Variants in ATRNL1 observed in about 807,000 individuals in gnomAD.
The protein encoded by ATRNL1 is attractin-like protein 1.
In ATRNL1, 95 loss-of-function variants were observed where a neutral mutation model predicts 182.7. The ratio of observed to expected loss-of-function variants is 0.52; its 90% CI spans 0.44 to 0.62. ATRNL1 has a LOEUF of 0.62. Among genes scored for constraint, ATRNL1 ranks in the 20% least tolerant of loss-of-function variants. The pLI is 0.00. For synonymous variants in ATRNL1, 576 were observed against 568.3 expected, an observed-to-expected ratio of 1.01 and a Z score of -0.19; for missense variants, 1,471 against 1,679.5, an observed-to-expected ratio of 0.88 and a Z score of 2.17.
rs1053277169 is a variant in ATRNL1 at position 115,947,625 on chromosome 10, G to T, written c.*2846G>T. The T allele has an allele frequency of 6.6e-6, 1 of 152,610 alleles. No homozygotes were observed. The highest frequency in any genetic ancestry group is 1.5e-5 in the Non-Finnish European group (1 of 68,032). 9.5% of individuals were successfully genotyped at this position (152,610 alleles called of 1,614,324 possible). ...GAGATGCCGTATACTATAGTGTTATGTTCAGTAGGAAAACTTCAAATAGTT... is the reference window on the plus strand; with the variant it reads ...GAGATGCCGTATACTATAGTGTTATTTTCAGTAGGAAAACTTCAAATAGTT... On this transcript the variant is annotated 3_prime_UTR_variant, in exon 29 of 29. Coordinates refer to ENST00000355044, the MANE Select transcript of ATRNL1 (RefSeq NM_207303.4).
chr10:115,398,729 T>A (rs1025795730), intron 20 of ATRNL1, among the ~76,000 whole-genome samples: 1 of 152,078 alleles, frequency 6.6e-6, no homozygotes, highest in Non-Finnish European at 1.5e-5. Context: ...TGGTGAGAAC[T>A]TCAGATACTA....
chr10:115,715,252 G>T lies in ATRNL1; in HGVS notation c.3796-11996G>T, dbSNP rs10885786. The stretch of plus-strand genomic sequence containing the variant: ...CAAGGGCTAAGGAGGGTCAAGTTTT[G>T]GGTAAGTTTTGCAGTGGACAAAGGA... On this transcript the variant is annotated intron_variant, in intron 26 of 28. Transcript: ENST00000355044. Among the ~76,000 whole-genome samples the T allele has an allele frequency of 1.1e-4, 17 of 152,076 alleles. No individual in the cohort carries two copies. The South Asian group carries it at 3.1e-3, about 28-fold the overall frequency.
chr10:115,598,088 A>T (rs1856367695), intron 26 of ATRNL1: 1 of 153,448 alleles, frequency 6.5e-6, no homozygotes, highest in African/African-American at 2.4e-5. Context: ...GAATAGTTAT[A>T]TAACTGTTGC....
chr10:115,881,201 A>C (rs1262632682), intron 28 of ATRNL1, among the ~76,000 whole-genome samples: 1 of 152,200 alleles, frequency 6.6e-6, no homozygotes, highest in Non-Finnish European at 1.5e-5. Flanking sequence ...CTGCGTATCC[A>C]GCTATACATG....
chr10:115,919,809 G>A (rs546623161), intron 28 of ATRNL1, among the ~76,000 whole-genome samples: 9 of 152,232 alleles, frequency 5.9e-5, no homozygotes, highest in South Asian at 2.1e-4. Flanking sequence ...CCTTCTTGCT[G>A]ATTCATGGAT....
chr10:115,942,260 T>C (rs1303166933), intron 28 of ATRNL1, among the ~76,000 whole-genome samples: 3 of 152,232 alleles, frequency 2.0e-5, no homozygotes, highest in African/African-American at 7.2e-5. Flanking sequence ...TCTCTTCCCA[T>C]TGCTAAACAT....
At chr10:115,683,318 A>G (rs1946109817) in intron 26 of ATRNL1, among the ~76,000 whole-genome samples, 1 of 151,960 alleles carries the variant, frequency 6.6e-6, no homozygotes, top group Admixed American at 6.6e-5. Flanking sequence ...ACAAAAAGAC[A>G]CTGTCATTTA....
intron 18 of ATRNL1, among the ~76,000 whole-genome samples, chr10:115,323,579 G>C (rs1245955591): frequency 1.3e-5 from 2 of 151,140 alleles, no homozygotes; most frequent in Admixed American, 6.6e-5. Flanking sequence ...TGAGTAGCTG[G>C]GATTACAGGC....
At chr10:115,121,641 T>G (rs1592129053) in intron 2 of ATRNL1, 58 bp from the exon 3 acceptor site, 2 of 640,474 alleles carry the variant, frequency 3.1e-6, no homozygotes, top group East Asian at 6.0e-5. Context: ...TATTATGTAT[T>G]TATTCACTCT....
At chr10:115,507,628 A>C (rs549222855) in intron 24 of ATRNL1, among the ~76,000 whole-genome samples, 1 of 152,088 alleles carries the variant, frequency 6.6e-6, no homozygotes, top group Non-Finnish European at 1.5e-5. Flanking sequence ...GAAATTAATA[A>C]CATTACCTAA....
At chr10:115,812,624 A>G (rs1448871161) in intron 27 of ATRNL1, among the ~76,000 whole-genome samples, 1 of 151,932 alleles carries the variant, frequency 6.6e-6, no homozygotes, top group Non-Finnish European at 1.5e-5. Flanking sequence ...TTACAGGTGC[A>G]CACCACCACA....
At chr10:115,730,899 T>A (rs1947777811) in intron 27 of ATRNL1, among the ~76,000 whole-genome samples, 1 of 152,124 alleles carries the variant, frequency 6.6e-6, no homozygotes, top group African/African-American at 2.4e-5. Context: ...GGAGAGCCAG[T>A]CCAAGTCCCA....
intron 26 of ATRNL1, among the ~76,000 whole-genome samples, chr10:115,628,516 T>A (rs1407177754): frequency 7.2e-6 from 1 of 138,712 alleles, no homozygotes; most frequent in African/African-American, 3.4e-5. Context: ...TTTTCTCCCG[T>A]TCTATAGATT....
chr10:115,494,654 G>A (rs1849456829), intron 24 of ATRNL1, among the ~76,000 whole-genome samples: 1 of 152,098 alleles, frequency 6.6e-6, no homozygotes, highest in East Asian at 1.9e-4. Flanking sequence ...ATTGATCTAG[G>A]TATGTTGAAC....
At chr10:115,622,651 G>T (rs549649938) in intron 26 of ATRNL1, among the ~76,000 whole-genome samples, 7 of 140,088 alleles carry the variant, frequency 5.0e-5, no homozygotes, top group Non-Finnish European at 1.1e-4. Flanking sequence ...TTAGGGCGGG[G>T]CGCGGTGGCT....
At chr10:115,294,453 A>G (rs1002330907) in intron 15 of ATRNL1, among the ~76,000 whole-genome samples, 56 of 152,092 alleles carry the variant, frequency 3.7e-4, no homozygotes, top group African/African-American at 1.3e-3. Context: ...TTTTTCTGAT[A>G]TCTCTGTTGT....
chr10:115,561,734 C>T (rs953706629), intron 26 of ATRNL1, among the ~76,000 whole-genome samples: 7 of 86,302 alleles, frequency 8.1e-5, no homozygotes, highest in African/African-American at 3.5e-4. Context: ...TTTGTGTGGT[C>T]AGTAACTCAT....
intron 20 of ATRNL1, among the ~76,000 whole-genome samples, chr10:115,401,814 A>G (rs1490134938): frequency 2.0e-5 from 3 of 152,124 alleles, no homozygotes; most frequent in African/African-American, 4.8e-5. Context: ...AACAATTGCA[A>G]TCTCCCCCAC....
intron 26 of ATRNL1, among the ~76,000 whole-genome samples, chr10:115,559,449 C>CGT: frequency 8.2e-6 from 1 of 121,562 alleles, no homozygotes; most frequent in East Asian, 2.6e-4. Context: ...TGTGTGCGCG[C>CGT]GCGCACGCAC....
Sources: gnomAD v4.1 joint callset for allele counts (sites outside exome capture counted in the v4.1 genomes callset) on GRCh38, gnomAD v4.1.1 for gene constraint, MANE v1.5 for transcripts, NCBI Gene and HGNC (gene_info 2026-07-23, HGNC 2026-07-21) for gene names.